Variants in FHIT observed in about 807,000 individuals in gnomAD.
FHIT encodes the protein bis(5'-adenosyl)-triphosphatase.
In FHIT, 19 loss-of-function variants were observed where a neutral mutation model predicts 17.9. That is an observed-to-expected ratio of 1.06 (90% CI 0.74 to 1.56). The LOEUF (loss-of-function observed/expected upper bound fraction) is 1.56, where lower values mean the gene tolerates loss of function less well. FHIT is among the 40% of genes most tolerant of loss of function. The pLI is 0.00. For missense variants in FHIT, 248 were observed against 189.2 expected (o/e 1.31, Z -1.82); for synonymous variants, 81 against 69.7 (o/e 1.16, Z -0.81).
At chr3:60,793,967 C>T (rs2108126503) in intron 4 of FHIT, among the ~76,000 whole-genome samples, 1 of 152,236 alleles carries the variant, frequency 6.6e-6, no homozygotes, top group Middle Eastern at 3.4e-3. Flanking sequence ...GGGCAGTGCT[C>T]CGACACCTTC....
intron 4 of FHIT, among the ~76,000 whole-genome samples, chr3:60,658,218 T>G (rs2040161591): frequency 6.6e-6 from 1 of 152,186 alleles, no homozygotes. Context: ...CTTATTTCAC[T>G]TAGCATAATG....
intron 8 of FHIT, among the ~76,000 whole-genome samples, chr3:59,802,733 C>T (rs751445881): frequency 1.6e-4 from 25 of 152,178 alleles, no homozygotes; most frequent in Non-Finnish European, 2.5e-4. Flanking sequence ...CACATGGACA[C>T]GCGTGACAAT....
intron 5 of FHIT, among the ~76,000 whole-genome samples, chr3:60,470,676 C>G (rs1171737985): frequency 6.6e-6 from 1 of 151,978 alleles, no homozygotes; most frequent in Non-Finnish European, 1.5e-5. Flanking sequence ...AATCAGAGAT[C>G]CTAGGAGCCC....
intron 7 of FHIT, among the ~76,000 whole-genome samples, chr3:59,968,094 G>T (rs1708011820): frequency 6.6e-6 from 1 of 152,002 alleles, no homozygotes; most frequent in African/African-American, 2.4e-5. Context: ...TTACCAATAT[G>T]GAGGAACACT....
chr3:60,353,694 A>C (rs903934646), intron 5 of FHIT, among the ~76,000 whole-genome samples: 1 of 152,108 alleles, frequency 6.6e-6, no homozygotes, highest in Non-Finnish European at 1.5e-5. Flanking sequence ...AATAAAGCCA[A>C]CTCTTTAGAA....
chr3:60,780,104 G>T (rs933837980), intron 4 of FHIT, among the ~76,000 whole-genome samples: 12 of 152,190 alleles, frequency 7.9e-5, no homozygotes, highest in African/African-American at 2.9e-4. Flanking sequence ...TAAGGTATCT[G>T]CTGGAAGAAA....
chr3:60,259,187 G>A (rs1210309006), intron 5 of FHIT, among the ~76,000 whole-genome samples: 1 of 152,106 alleles, frequency 6.6e-6, no homozygotes, highest in African/African-American at 2.4e-5. Context: ...AATTGCTGAG[G>A]TAGAGAAATA....
chr3:59,913,754 T>C (rs925404981), intron 8 of FHIT, among the ~76,000 whole-genome samples: 5 of 152,074 alleles, frequency 3.3e-5, no homozygotes, highest in Non-Finnish European at 7.4e-5. Context: ...TGGGTATTTT[T>C]CCCCCATTTT....
At chr3:60,069,374 A>G (rs1702662134) in intron 5 of FHIT, among the ~76,000 whole-genome samples, 1 of 152,240 alleles carries the variant, frequency 6.6e-6, no homozygotes, top group Non-Finnish European at 1.5e-5. Flanking sequence ...AACCTGTTAC[A>G]ATTCATGACA....
chr3:60,349,625 A>C (rs1478679292), intron 5 of FHIT, among the ~76,000 whole-genome samples: 1 of 152,188 alleles, frequency 6.6e-6, no homozygotes, highest in Non-Finnish European at 1.5e-5. Context: ...ACAAGCCTCC[A>C]AAGATAAACT....
At chr3:60,003,985 A>G (rs1001349792) in intron 7 of FHIT, among the ~76,000 whole-genome samples, 1 of 151,986 alleles carries the variant, frequency 6.6e-6, no homozygotes. Context: ...TTGATTTCCT[A>G]GGCTTGAAAC....
chr3:61,216,140 A>C (rs1410229717), intron 1 of FHIT, among the ~76,000 whole-genome samples: 2 of 152,228 alleles, frequency 1.3e-5, no homozygotes, highest in African/African-American at 4.8e-5. Flanking sequence ...AAAATTGACA[A>C]ATGGGATCTA....
intron 5 of FHIT, among the ~76,000 whole-genome samples, chr3:60,221,785 C>G (rs1453057100): frequency 6.6e-6 from 1 of 152,086 alleles, no homozygotes; most frequent in East Asian, 1.9e-4. Flanking sequence ...CTTCAGAATT[C>G]TGCCTAAAAT....
At chr3:60,127,305 G>C (rs1017643418) in intron 5 of FHIT, among the ~76,000 whole-genome samples, 2 of 152,144 alleles carry the variant, frequency 1.3e-5, no homozygotes, top group Non-Finnish European at 2.9e-5. Flanking sequence ...CCCAGCCTAC[G>C]CATTTCTATC....
At chr3:60,698,943 T>G (rs929041334) in intron 4 of FHIT, among the ~76,000 whole-genome samples, 1 of 152,182 alleles carries the variant, frequency 6.6e-6, no homozygotes, top group African/African-American at 2.4e-5. Flanking sequence ...TATACTCCCA[T>G]TCATCTTAAT....
intron 5 of FHIT, among the ~76,000 whole-genome samples, chr3:60,245,823 A>G (rs1473161452): frequency 6.6e-6 from 1 of 152,096 alleles, no homozygotes; most frequent in Non-Finnish European, 1.5e-5. Context: ...TATGGTAAGC[A>G]TACAGTGAAC....
At chr3:61,152,196 T>C (rs1428348639) in intron 2 of FHIT, among the ~76,000 whole-genome samples, 1 of 152,084 alleles carries the variant, frequency 6.6e-6, no homozygotes, top group Non-Finnish European at 1.5e-5. Context: ...GGGTAAGAGT[T>C]AGCTAAGTGA....
chr3:60,059,436 C>A (rs969331803), intron 5 of FHIT, among the ~76,000 whole-genome samples: 11 of 152,268 alleles, frequency 7.2e-5, no homozygotes, highest in African/African-American at 2.6e-4. Context: ...GGAAAAGGGA[C>A]ACAAGGCCCA....
intron 2 of FHIT, among the ~76,000 whole-genome samples, chr3:61,072,701 GT>G (rs1034334341): frequency 6.6e-6 from 1 of 151,902 alleles, no homozygotes; most frequent in African/African-American, 2.4e-5. Flanking sequence ...TAAAATTTTT[GT>G]TTAAATCAGT....
Sources: allele counts gnomAD v4.1 joint callset (sites outside exome capture counted in the v4.1 genomes callset), GRCh38; gene constraint gnomAD v4.1.1; transcripts MANE v1.5; gene names NCBI Gene and HGNC (gene_info 2026-07-23, HGNC 2026-07-21).